Variants in IL9R observed in about 807,000 individuals in gnomAD.
IL9R encodes interleukin-9 receptor.
A neutral mutation model predicts 56.3 loss-of-function variants in IL9R; 54 were observed. That is an observed-to-expected ratio of 0.96 (90% CI 0.77 to 1.20). The LOEUF (loss-of-function observed/expected upper bound fraction) is 1.20, where lower values mean the gene tolerates loss of function less well. IL9R is among the 50% of genes most tolerant of loss of function. The probability of loss-of-function intolerance (pLI) is 0.00; values close to 1 mark genes in which losing one functional copy is unlikely to be tolerated. For synonymous variants in IL9R, 212 were observed against 250.2 expected (o/e 0.85, Z 1.44); for missense variants, 545 against 629.8 (o/e 0.87, Z 1.44).
In IL9R at chrX:156,004,496, T is replaced by C; in HGVS notation, c.510T>C (p.Pro170=). 6.2e-7 allele frequency: 1 copy of C among 1,613,788 alleles called. No homozygotes were observed. The highest frequency in any genetic ancestry group is 8.5e-7 in the Non-Finnish European group (1 of 1,179,848). The change falls in exon 5 of 9, where the codon CCT becomes CCC. Residue 170 remains proline, a synonymous_variant. Transcript: ENST00000244174. ...GCATCCTGACCTGGAGCATCAGTCC[T>C]GCCTTGGAGCCAATGACCACACTTC... The part of the protein sequence containing the change: ...GHCILTWSIS[P]ALEPMTTLLS...
chrX:156,005,730 C>T (rs1309012269), intron 6 of IL9R, among the ~76,000 whole-genome samples: 19 of 151,890 alleles, frequency 1.3e-4, no homozygotes, highest in African/African-American at 4.6e-4. Context: ...GGCTGCACAC[C>T]AGGGCTGGGC....
rs755794439 is a variant in IL9R, at chrX:156,003,427, T to A, written c.143-22T>A. The A allele has an allele frequency of 9.6e-6, 15 of 1,557,498 alleles. No homozygotes were observed. In the African/African-American group the frequency reaches 1.9e-4, roughly 20 times the overall value. On this transcript the variant is annotated intron_variant, in intron 2 of 8. Coordinates refer to ENST00000244174, the MANE Select transcript of IL9R (RefSeq NM_002186.3). ...CTGGCCTGAAGTACTTACCGTGGGC[T>A]CCTGATGGTCACTGTCTCCAGGGCC...
At chrX:156,006,420 G>T (rs1383713719) in intron 7 of IL9R, among the ~76,000 whole-genome samples, 3 of 142,576 alleles carry the variant, frequency 2.1e-5, no homozygotes, top group Admixed American at 6.8e-5. Context: ...GTTGCCAGGG[G>T]AGAGCAGGGA....
intron 1 of IL9R, among the ~76,000 whole-genome samples, chrX:155,999,360 A>C (rs999045575): frequency 1.3e-5 from 2 of 152,052 alleles, no homozygotes; most frequent in African/African-American, 2.4e-5. Context: ...CGGATGCAGC[A>C]CTGCCCCTCA....
In IL9R at chrX:156,003,492, C is replaced by T; in HGVS notation, c.186C>T (p.Leu62=). The change falls in exon 3 of 9, where the codon CTC becomes CTT. Residue 62 remains leucine (L), a synonymous_variant. Coordinates refer to ENST00000244174, the MANE Select transcript of IL9R (RefSeq NM_002186.3). ...RTFTCLTNNI[L]RIDCHWSAPE... is the part of the protein sequence containing the mutation. ...TCACCTGCCTCACCAACAACATTCT[C>T]AGGATCGATTGCCACTGGTCTGCCC... 3 of 1,612,316 alleles carry T rather than the reference C, an allele frequency of 1.9e-6. No homozygotes were observed. Among genetic ancestry groups the T allele is most frequent in the South Asian group, 1.1e-5 (1 of 90,988 alleles).
intron 4 of IL9R, 96 bp from the exon 5 acceptor site, chrX:156,004,324 C>T (rs995092111): frequency 4.6e-6 from 6 of 1,316,644 alleles, no homozygotes; most frequent in South Asian, 3.8e-5. Flanking sequence ...CTTGACCATT[C>T]CCCTTGGGAG....
chrX:156,006,294 T>C, intron 7 of IL9R, 106 bp downstream of exon 7: 1 of 685,338 alleles, frequency 1.5e-6, no homozygotes, highest in East Asian at 2.7e-5. Flanking sequence ...GAGTGTGTGG[T>C]GGGTGGGCCA....
Position 156,005,252 on chromosome X carries a change from C to T in IL9R, c.580-26C>T, listed in dbSNP as rs2073467. ...GAGGGACCCAGCCCCACCTTCACCACCTGCTAACTGTCCCCACCCCCACAG... is the reference window on the plus strand; with the variant it reads ...GAGGGACCCAGCCCCACCTTCACCATCTGCTAACTGTCCCCACCCCCACAG... On this transcript the variant is annotated intron_variant, in intron 5 of 8. Coordinates refer to ENST00000244174, the MANE Select transcript of IL9R (RefSeq NM_002186.3). 0.01 allele frequency: 16,386 copies of T among 1,606,668 alleles called. 1,080 individuals are homozygous for T. The East Asian group carries it at 0.19, about 18-fold the overall frequency.
chrX:156,009,217 T>TCGTG (rs1199087302), intron 8 of IL9R, among the ~76,000 whole-genome samples: 4 of 108,368 alleles, frequency 3.7e-5, no homozygotes, highest in Admixed American at 9.7e-5. Context: ...CTGTGTGTGT[T>TCGTG]TATGTGTCTG....
intron 2 of IL9R, 87 bp from the exon 3 acceptor site, chrX:156,003,362 G>T (rs2067671375): frequency 1.1e-6 from 1 of 914,754 alleles, no homozygotes; most frequent in South Asian, 1.3e-5. Flanking sequence ...CCCTGCTAGG[G>T]TGTCAGCTGT....
In IL9R at chrX:156,006,130, G is replaced by A. The variant is rs1431289780; in HGVS notation, c.829G>A (p.Val277Met). Residue 277 changes from valine to methionine, a missense_variant, in exon 7 of 9, where the codon GTG becomes ATG. Val to Met is a conservative substitution (Grantham distance 21, BLOSUM62 1). This residue lies in a region of IL9R where 431 missense variants were observed against 360.0 expected (regional missense o/e 1.20). Coordinates refer to ENST00000244174, the MANE Select transcript of IL9R (RefSeq NM_002186.3). ...WGWPGNTLVA[V>M]SIFLLLTGPT... ...GTGGCCAGGCAACACCCTTGTTGCT[G>A]TGTCCATCTTTCTCCTGCTGACTGG... 2 of 1,598,622 alleles carry A rather than the reference G, an allele frequency of 1.3e-6. No homozygotes were observed. Among genetic ancestry groups the A allele is most frequent in the African/African-American group, 1.3e-5 (1 of 74,542 alleles).
intron 8 of IL9R, among the ~76,000 whole-genome samples, chrX:156,009,045 TTGTGTC>T (rs2068225368): frequency 3.7e-5 from 5 of 133,382 alleles, no homozygotes; most frequent in East Asian, 2.1e-4. Context: ...CTGTGTGTGT[TTGTGTC>T]TGTGTGTGTT....
intron 1 of IL9R, among the ~76,000 whole-genome samples, chrX:155,998,747 G>A (rs3093461): frequency 0.31 from 46,656 of 151,620 alleles, 10,260 homozygotes; most frequent in African/African-American, 0.6. Flanking sequence ...TTTATCAAAC[G>A]GTTGAGTTGG....
chrX:155,999,433 C>T (rs1334846524), intron 1 of IL9R, among the ~76,000 whole-genome samples: 1 of 152,148 alleles, frequency 6.6e-6, no homozygotes, highest in African/African-American at 2.4e-5. Context: ...ACCCTGCCTT[C>T]CCTGCACCTT....
rs750235505 is a variant in IL9R, at chrX:156,003,702, A to G, written c.280A>G (p.Lys94Glu). The G allele has an allele frequency of 2.5e-6, 4 of 1,613,452 alleles. No homozygotes were observed. In the East Asian group the frequency reaches 8.9e-5, roughly 36 times the overall value. Reference protein sequence around the residue: ...TSNQAPGGTHKCILRGSECTV... With the variant: ...TSNQAPGGTHECILRGSECTV... ...CAACCAGGCTCCTGGCGGCACACAT[A>G]AGTGCATCTTGCGGGGCAGTGAGTG... is the stretch of plus-strand genomic sequence containing the variant. Residue 94 changes from lysine to glutamate, a missense_variant, in exon 4 of 9, where the codon AAG (lysine) becomes GAG (glutamate). By Grantham distance (56) the Lys-to-Glu change is moderately conservative. Transcript: ENST00000244174.
chrX:156,009,207 C>CTG (rs1180400697), intron 8 of IL9R, among the ~76,000 whole-genome samples: 47 of 121,872 alleles, frequency 3.9e-4, no homozygotes, highest in Non-Finnish European at 5.1e-4. Flanking sequence ...GTGTATGTGT[C>CTG]TGTGTGTGTT....
Sources: allele counts gnomAD v4.1 joint callset (sites outside exome capture counted in the v4.1 genomes callset), GRCh38; gene constraint gnomAD v4.1.1; regional missense constraint gnomAD v4.1.1; transcripts MANE v1.5; gene names NCBI Gene and HGNC (gene_info 2026-07-23, HGNC 2026-07-21).